The following SHB variants were observed in gnomAD, a reference collection of about 807,000 sequenced individuals.
SHB encodes SH2 domain containing adaptor protein B.
SHB carries 20 observed loss-of-function variants against 52.3 expected under a neutral mutation model. That is an observed-to-expected ratio of 0.38 (90% CI 0.27 to 0.56). The LOEUF (loss-of-function observed/expected upper bound fraction) is 0.56. SHB is among the 20% of genes least tolerant of loss of function. The probability of loss-of-function intolerance (pLI) is 0.71; values close to 1 mark genes in which losing one functional copy is unlikely to be tolerated. For missense variants in SHB, 825 were observed against 723.3 expected (o/e 1.14, Z -1.61); for synonymous variants, 397 against 316.5 (o/e 1.25, Z -2.70).
intron 5 of SHB, among the ~76,000 whole-genome samples, chr9:37,934,924 G>C (rs1255308579): frequency 6.6e-6 from 1 of 152,182 alleles, no homozygotes; most frequent in Non-Finnish European, 1.5e-5. Flanking sequence ...CTGCACGTCT[G>C]CAAGTAATTG....
intron 5 of SHB, among the ~76,000 whole-genome samples, chr9:37,924,086 T>G (rs1175024966): frequency 6.6e-6 from 1 of 152,240 alleles, no homozygotes; most frequent in Non-Finnish European, 1.5e-5. Context: ...ATAGGACATC[T>G]TGCGAGGGCA....
intron 5 of SHB, among the ~76,000 whole-genome samples, chr9:37,924,049 G>C (rs923818903): frequency 3.3e-5 from 5 of 152,242 alleles, no homozygotes; most frequent in Non-Finnish European, 7.3e-5. Flanking sequence ...TGCCTGCCAA[G>C]CTCCTGCATC....
rs550479538 is a variant in SHB at position 38,056,703 on chromosome 9, T to C, written c.717+11226A>G. 2.2e-3 allele frequency among the ~76,000 whole-genome samples: 338 copies of C among 152,332 alleles called. 1 individual carries two copies. The highest frequency in any genetic ancestry group is 7.8e-3 in the African/African-American group (326 of 41,576). On this transcript the variant is annotated intron_variant, in intron 1 of 5. Coordinates refer to ENST00000377707, the MANE Select transcript of SHB (RefSeq NM_003028.3). ...GACTGATTAAATAGAAAACAATTCA[T>C]TGTAACCAACAACAATTGCCACATA...
chr9:38,064,069 A>G lies in SHB; in HGVS notation c.717+3860T>C, dbSNP rs73439944. On this transcript the variant is annotated intron_variant, in intron 1 of 5. Transcript: ENST00000377707. Reference sequence around the variant, plus strand: ...GGCTGCACAAAAGGAGACCTACCAAAGTAACTGGCCTCTTTTGTCATCATT... The same window carrying G: ...GGCTGCACAAAAGGAGACCTACCAAGGTAACTGGCCTCTTTTGTCATCATT... Among the ~76,000 whole-genome samples, 569 of 152,178 alleles carry G rather than the reference A, an allele frequency of 3.7e-3. 2 individuals carry two copies. The highest frequency in any genetic ancestry group is 0.013 in the African/African-American group (534 of 41,504).
chr9:38,018,999 AT>A (rs1434833295), intron 1 of SHB, among the ~76,000 whole-genome samples: 1 of 152,222 alleles, frequency 6.6e-6, no homozygotes, highest in Non-Finnish European at 1.5e-5. Context: ...TGTATATCTA[AT>A]TGAACAATTC....
At chr9:37,950,638 T>A (rs1317051133) in intron 4 of SHB, among the ~76,000 whole-genome samples, 2 of 152,026 alleles carry the variant, frequency 1.3e-5, no homozygotes, top group Non-Finnish European at 2.9e-5. Context: ...GAGACATGGA[T>A]GCTGCTCCGA....
At chr9:37,999,650 C>A (rs963239558) in intron 2 of SHB, among the ~76,000 whole-genome samples, 1 of 152,116 alleles carries the variant, frequency 6.6e-6, no homozygotes, top group Non-Finnish European at 1.5e-5. Context: ...ACAAAGGCAG[C>A]CGAGGCAGCA....
rs776837438 is a variant in SHB, at chr9:37,948,076, G to A, written c.1346+559C>T. Among the ~76,000 whole-genome samples the A allele has an allele frequency of 7.9e-5, 12 of 152,186 alleles. No individual in the cohort carries two copies. In the East Asian group the frequency reaches 1.3e-3, roughly 17 times the overall value. ...AAGACCTGAAAGTTTCCAAAGCTGC[G>A]ATAGGCAGTAACACCACCTCTTCCC... On this transcript the variant is annotated intron_variant, in intron 5 of 5. Coordinates refer to ENST00000377707, the MANE Select transcript of SHB (RefSeq NM_003028.3).
At chr9:37,964,410 A>G (rs1469085108) in intron 3 of SHB, among the ~76,000 whole-genome samples, 1 of 152,194 alleles carries the variant, frequency 6.6e-6, no homozygotes, top group Non-Finnish European at 1.5e-5. Flanking sequence ...ACATCCCCAG[A>G]GGAAAAATGA....
intron 3 of SHB, among the ~76,000 whole-genome samples, chr9:37,966,753 T>G (rs574554560): frequency 6.6e-6 from 1 of 152,124 alleles, no homozygotes; most frequent in Admixed American, 6.5e-5. Context: ...GGTGGCCGGG[T>G]TTAAGGTTCT....
intron 2 of SHB, among the ~76,000 whole-genome samples, chr9:37,980,731 A>G (rs1284757149): frequency 6.6e-6 from 1 of 152,234 alleles, no homozygotes; most frequent in African/African-American, 2.4e-5. Context: ...TTCTTAAATA[A>G]TAAGACTTCA....
intron 1 of SHB, among the ~76,000 whole-genome samples, chr9:38,035,849 C>G (rs1009734873): frequency 1.3e-5 from 2 of 152,096 alleles, no homozygotes; most frequent in African/African-American, 4.8e-5. Flanking sequence ...AGTTTGGCCC[C>G]CAGAAATTCT....
At chr9:38,066,930 G>GGGCGCTGAGAAGGAAGGA (rs1821973152) in intron 1 of SHB, among the ~76,000 whole-genome samples, 2 of 152,140 alleles carry the variant, frequency 1.3e-5, no homozygotes, top group Non-Finnish European at 2.9e-5. Context: ...CCACGCACCA[G>GGGCGCTGAGAAGGAAGGA]GGCGCTGAGA....
chr9:38,067,823 A>T, intron 1 of SHB, 106 bp downstream of exon 1: 1 of 1,236,758 alleles, frequency 8.1e-7, no homozygotes, highest in Non-Finnish European at 1.1e-6. Context: ...CCAGGGTCCT[A>T]GGCCGAAGCT....
intron 2 of SHB, among the ~76,000 whole-genome samples, chr9:37,985,142 C>T (rs1820789026): frequency 2.0e-5 from 3 of 152,212 alleles, no homozygotes. Flanking sequence ...TGTGGGACAA[C>T]AATGGTCACC....
At chr9:38,047,096 G>T (rs1821661297) in intron 1 of SHB, among the ~76,000 whole-genome samples, 1 of 152,178 alleles carries the variant, frequency 6.6e-6, no homozygotes, top group African/African-American at 2.4e-5. Context: ...GGGGATGAGT[G>T]AAAAATGAGT....
chr9:38,015,619 A>T (rs926663587), intron 2 of SHB: 3 of 604,056 alleles, frequency 5.0e-6, no homozygotes, highest in Non-Finnish European at 8.9e-6. Flanking sequence ...CAGGTGACCC[A>T]GCCTGCTTCC....
intron 3 of SHB, among the ~76,000 whole-genome samples, chr9:37,959,463 C>G (rs1237013789): frequency 6.6e-6 from 1 of 152,162 alleles, no homozygotes; most frequent in African/African-American, 2.4e-5. Flanking sequence ...AGGTTCTAGG[C>G]TTAGTTTTGC....
intron 1 of SHB, among the ~76,000 whole-genome samples, chr9:38,049,377 G>A (rs1373958124): frequency 2.0e-5 from 3 of 152,120 alleles, no homozygotes; most frequent in Non-Finnish European, 2.9e-5. Context: ...GGGAGGCTGA[G>A]GTGGGCAGAT....
Sources: gnomAD v4.1 joint callset for allele counts (sites outside exome capture counted in the v4.1 genomes callset) on GRCh38, gnomAD v4.1.1 for gene constraint, MANE v1.5 for transcripts, NCBI Gene and HGNC (gene_info 2026-07-23, HGNC 2026-07-21) for gene names.